MYOM1: variants seen among roughly 807,000 people sequenced by gnomAD.
The protein encoded by MYOM1 is myomesin 1, also known as myomesin-1.
MYOM1 carries 164 observed loss-of-function variants against 205.3 expected under a neutral mutation model. That is an observed-to-expected ratio of 0.80 (90% CI 0.70 to 0.91). MYOM1 has a LOEUF of 0.91. MYOM1 is among the 40% of genes least tolerant of loss of function. The probability of loss-of-function intolerance (pLI) is 0.00; values close to 1 mark genes in which losing one functional copy is unlikely to be tolerated. For missense variants in MYOM1, 2,011 were observed against 2,127.3 expected, an observed-to-expected ratio of 0.95 and a Z score of 1.08; for synonymous variants, 772 against 789.4, an observed-to-expected ratio of 0.98 and a Z score of 0.37.
chr18:3,148,782 C>G (rs1411312922), intron 13 of MYOM1, among the ~76,000 whole-genome samples: 1 of 125,104 alleles, frequency 8.0e-6, no homozygotes, highest in East Asian at 2.6e-4. Context: ...GGAGGCGGAG[C>G]TTGTAGTGAG....
At chr18:3,217,204 G>A (rs187523893) in intron 1 of MYOM1, 13 of 152,398 alleles carry the variant, frequency 8.5e-5, no homozygotes, top group African/African-American at 2.4e-4. Context: ...ATGATAGCCC[G>A]GGCAAAAGAA....
intron 2 of MYOM1, among the ~76,000 whole-genome samples, chr18:3,204,446 AAAATT>A (rs1243896703): frequency 9.9e-5 from 15 of 152,130 alleles, no homozygotes; most frequent in African/African-American, 3.6e-4. Context: ...GAATAATCCA[AAAATT>A]AAATTAAGAC....
At chr18:3,090,893 C>T in intron 26 of MYOM1, 91 bp from the exon 27 acceptor site, 1 of 1,517,294 alleles carries the variant, frequency 6.6e-7, no homozygotes, top group Non-Finnish European at 9.0e-7. Context: ...AAATAAACCC[C>T]AAAGGCTAGA....
At chr18:3,186,528 G>A (rs1490846154) in intron 5 of MYOM1, among the ~76,000 whole-genome samples, 2 of 152,158 alleles carry the variant, frequency 1.3e-5, no homozygotes, top group Non-Finnish European at 2.9e-5. Context: ...AAGTTCTCAG[G>A]TTAGGGATCA....
intron 9 of MYOM1, among the ~76,000 whole-genome samples, chr18:3,167,275 C>T (rs35168764): frequency 0.1 from 15,252 of 152,186 alleles, 1,709 homozygotes; most frequent in African/African-American, 0.28. Context: ...GGGGCAATCC[C>T]TTATTCTCTT....
At chr18:3,154,444 T>C (rs902262352) in intron 11 of MYOM1, among the ~76,000 whole-genome samples, 18 of 151,950 alleles carry the variant, frequency 1.2e-4, no homozygotes, top group African/African-American at 4.3e-4. Context: ...GAAATATATA[T>C]ATATGTATAT....
At chr18:3,109,776 T>C (rs2079499745) in intron 22 of MYOM1, among the ~76,000 whole-genome samples, 1 of 152,188 alleles carries the variant, frequency 6.6e-6, no homozygotes, top group Non-Finnish European at 1.5e-5. Context: ...ACATTACTAT[T>C]ATTATTATTT....
chr18:3,127,668 T>C (rs2079815122), intron 18 of MYOM1, among the ~76,000 whole-genome samples: 1 of 152,152 alleles, frequency 6.6e-6, no homozygotes, highest in Non-Finnish European at 1.5e-5. Context: ...CACTTACCCT[T>C]GTGAGACCTT....
At chr18:3,079,031 T>C (rs1333782965) in intron 34 of MYOM1, 148 bp downstream of exon 34, 2 of 614,312 alleles carry the variant, frequency 3.3e-6, no homozygotes, top group African/African-American at 3.7e-5. Context: ...CAGGCTGGTC[T>C]TGAACTCCTG....
chr18:3,181,007 A>G (rs1293149995), intron 5 of MYOM1, among the ~76,000 whole-genome samples: 1 of 151,730 alleles, frequency 6.6e-6, no homozygotes, highest in Non-Finnish European at 1.5e-5. Flanking sequence ...GCTCACTGCA[A>G]CCTCCGCCTT....
intron 36 of MYOM1, 48 bp from the exon 37 acceptor site, chr18:3,071,937 C>T (rs955565448): frequency 3.9e-6 from 6 of 1,542,746 alleles, no homozygotes; most frequent in African/African-American, 2.7e-5. Context: ...GCAAGGCCAG[C>T]GGTCATACTC....
intron 29 of MYOM1, among the ~76,000 whole-genome samples, 197 bp downstream of exon 29, chr18:3,088,977 C>A (rs1441063116): frequency 1.3e-5 from 2 of 152,170 alleles, no homozygotes; most frequent in Non-Finnish European, 2.9e-5. Context: ...GAATGATCAC[C>A]TTGCCTTGTC....
chr18:3,092,571 T>TC (rs1555616232), intron 26 of MYOM1, among the ~76,000 whole-genome samples: 23,436 of 151,964 alleles, frequency 0.15, 1,994 homozygotes, highest in South Asian at 0.22. Flanking sequence ...CTTTTTTTTT[T>TC]CCCAGAATGT....
At chr18:3,154,889 A>G in intron 11 of MYOM1, 58 bp downstream of exon 11, 1 of 1,550,914 alleles carries the variant, frequency 6.4e-7, no homozygotes, top group Non-Finnish European at 8.8e-7. Flanking sequence ...GATGGGAGAA[A>G]TCAAGCACGC....
At chr18:3,114,281 G>A (rs143543326) in intron 21 of MYOM1, among the ~76,000 whole-genome samples, 1,724 of 152,230 alleles carry the variant, frequency 0.011, 27 homozygotes, top group African/African-American at 0.038. Context: ...GGGGTGACAG[G>A]GGCACTCTCT....
intron 20 of MYOM1, among the ~76,000 whole-genome samples, chr18:3,119,454 C>T (rs2079653095): frequency 1.3e-5 from 2 of 152,182 alleles, no homozygotes; most frequent in South Asian, 2.1e-4. Flanking sequence ...AGCAGCATAA[C>T]AATATATGAG....
intron 12 of MYOM1, among the ~76,000 whole-genome samples, chr18:3,151,195 A>C (rs2080215571): frequency 6.6e-6 from 1 of 151,644 alleles, no homozygotes; most frequent in Non-Finnish European, 1.5e-5. Context: ...TAGATTAGAT[A>C]TAACGTTGTC....
intron 18 of MYOM1, 85 bp downstream of exon 18, chr18:3,129,147 C>T: frequency 4.8e-6 from 7 of 1,457,972 alleles, no homozygotes; most frequent in Non-Finnish European, 6.4e-6. Context: ...TGAAAGCAAA[C>T]ATGGATGAAG....
chr18:3,168,900 C>T lies in MYOM1; in HGVS notation c.1256G>A (p.Gly419Glu). The change falls in exon 9 of 38, where the codon GGA becomes GAA. Residue 419 changes from glycine to glutamate, a missense_variant. Gly to Glu is a moderately conservative substitution (Grantham distance 98). Coordinates refer to ENST00000356443, the MANE Select transcript of MYOM1 (RefSeq NM_003803.4). Reference sequence around the variant, plus strand: ...ACGACAGCCTAGACTCATTGTCTCTCCCTCTCTCCCAAAAGACACATCAAA... The same window carrying T: ...ACGACAGCCTAGACTCATTGTCTCTTCCTCTCTCCCAAAAGACACATCAAA... ...DKFDVSFGREGETMSLGCRVV... is the reference protein window; with the variant it reads ...DKFDVSFGREEETMSLGCRVV... 1 of 1,613,828 alleles carries T rather than the reference C, an allele frequency of 6.2e-7. No individual in the cohort carries two copies. The highest frequency in any genetic ancestry group is 8.5e-7 in the Non-Finnish European group (1 of 1,179,832).
Sources: allele counts gnomAD v4.1 joint callset (sites outside exome capture counted in the v4.1 genomes callset), GRCh38; gene constraint gnomAD v4.1.1; transcripts MANE v1.5; gene names NCBI Gene and HGNC (gene_info 2026-07-23, HGNC 2026-07-21).